The following PPARGC1B variants were observed in gnomAD, a reference collection of about 807,000 sequenced individuals.
PPARGC1B encodes peroxisome proliferator-activated receptor gamma coactivator 1-beta.
In PPARGC1B, 34 loss-of-function variants were observed where a neutral mutation model predicts 101.6. That is an observed-to-expected ratio of 0.33 (90% CI 0.25 to 0.45). PPARGC1B has a LOEUF of 0.45. PPARGC1B is among the 20% of genes least tolerant of loss of function. The pLI, the probability that PPARGC1B is intolerant of heterozygous loss-of-function variation, is 1.00. For missense variants in PPARGC1B, 1,234 were observed against 1,317.6 expected (o/e 0.94, Z 0.98); for synonymous variants, 548 against 539.3 (o/e 1.02, Z -0.22).
At chr5:149,746,092 C>T (rs950209658) in intron 1 of PPARGC1B, among the ~76,000 whole-genome samples, 3 of 152,154 alleles carry the variant, frequency 2.0e-5, no homozygotes, top group African/African-American at 7.2e-5. Context: ...CACTGCCATC[C>T]CAGCTCTGTG....
chr5:149,839,898 G>A, intron 8 of PPARGC1B, 143 bp from the exon 9 acceptor site: 1 of 791,720 alleles, frequency 1.3e-6, no homozygotes, highest in Non-Finnish European at 2.1e-6. Context: ...GGGGAAGCTA[G>A]GTTTCTGCGG....
rs1482661847 is a variant in PPARGC1B, at chr5:149,796,457, A to G, written c.79-23976A>G. ...GTTTGGATTTCATTCTGAGTGCAATAGGAGCGTCTTTGGAGAATTTTGAGC... is the reference window on the plus strand; with the variant it reads ...GTTTGGATTTCATTCTGAGTGCAATGGGAGCGTCTTTGGAGAATTTTGAGC... On this transcript the variant is annotated intron_variant, in intron 1 of 11. Coordinates refer to ENST00000309241, the MANE Select transcript of PPARGC1B (RefSeq NM_133263.4). Among the ~76,000 whole-genome samples the G allele has an allele frequency of 2.6e-5, 4 of 152,184 alleles. No homozygotes were observed. The East Asian group carries it at 5.8e-4, about 22-fold the overall frequency.
Position 149,833,740 on chromosome 5 carries a change from T to C in PPARGC1B, c.1667T>C (p.Met556Thr). 1 of 1,575,582 alleles carries C rather than the reference T, an allele frequency of 6.3e-7. No homozygotes were observed. The highest frequency in any genetic ancestry group is 8.6e-7 in the Non-Finnish European group (1 of 1,164,984). Reference protein sequence around the residue: ...ESPCESGCGDMDEDPSCPQLP... With the variant: ...ESPCESGCGDTDEDPSCPQLP... ...CCCTGTGAGAGTGGGTGTGGGGACA[T>C]GGATGAGGACCCCAGCTGCCCGCAG... The change falls in exon 5 of 12, where the codon ATG becomes ACG. Residue 556 changes from methionine (M) to threonine (T), a missense_variant. Coordinates refer to ENST00000309241, the MANE Select transcript of PPARGC1B (RefSeq NM_133263.4). This position sits in a 1 kb window ranked among gnomAD's most constrained non-coding sequence, Gnocchi z 4.1.
chr5:149,809,716 TAATC>T (rs1192305712), intron 1 of PPARGC1B, among the ~76,000 whole-genome samples: 2 of 139,322 alleles, frequency 1.4e-5, no homozygotes, highest in East Asian at 2.1e-4. Context: ...AAAAAAAAAT[TAATC>T]AATTTCATGT....
intron 3 of PPARGC1B, among the ~76,000 whole-genome samples, chr5:149,828,597 C>T (rs1758620496): frequency 6.6e-6 from 1 of 152,234 alleles, no homozygotes; most frequent in Non-Finnish European, 1.5e-5. Context: ...AGAGGCAAAG[C>T]GCGACCCCTG....
At chr5:149,785,211 A>G (rs1756756042) in intron 1 of PPARGC1B, among the ~76,000 whole-genome samples, 3 of 152,236 alleles carry the variant, frequency 2.0e-5, no homozygotes. Flanking sequence ...CCACACAACA[A>G]GAGATTGGAC....
chr5:149,736,099 A>G (rs62382273), intron 1 of PPARGC1B, among the ~76,000 whole-genome samples: 22,049 of 152,104 alleles, frequency 0.14, 1,725 homozygotes, highest in Admixed American at 0.24. Flanking sequence ...CTGAGATTGC[A>G]CCACTGCACT....
At chr5:149,774,148 G>A (rs1756259151) in intron 1 of PPARGC1B, among the ~76,000 whole-genome samples, 1 of 152,208 alleles carries the variant, frequency 6.6e-6, no homozygotes, top group South Asian at 2.1e-4. Flanking sequence ...GGTGACATGG[G>A]CATCAGAGCC....
intron 1 of PPARGC1B, 65 bp from the exon 2 acceptor site, chr5:149,820,368 A>G (rs527527334): frequency 1.7e-5 from 25 of 1,473,950 alleles, no homozygotes; most frequent in Non-Finnish European, 2.0e-5. Flanking sequence ...CATTATTGAG[A>G]GGGCCCCTGC....
chr5:149,815,499 C>T (rs1450329775), intron 1 of PPARGC1B, among the ~76,000 whole-genome samples: 3 of 152,204 alleles, frequency 2.0e-5, no homozygotes, highest in Admixed American at 6.5e-5. Context: ...TAAGCTACCA[C>T]CCAGTTGTGG....
intron 1 of PPARGC1B, among the ~76,000 whole-genome samples, chr5:149,769,560 G>T (rs1756047221): frequency 1.3e-5 from 2 of 152,132 alleles, no homozygotes; most frequent in Admixed American, 6.5e-5. Flanking sequence ...GTCCTCTCTG[G>T]GCTTCAGGTT....
At chr5:149,737,653 C>T (rs1754771622) in intron 1 of PPARGC1B, among the ~76,000 whole-genome samples, 2 of 152,206 alleles carry the variant, frequency 1.3e-5, no homozygotes, top group African/African-American at 4.8e-5. Context: ...GTCACATAAC[C>T]TTTCTGAGCT....
intron 1 of PPARGC1B, among the ~76,000 whole-genome samples, chr5:149,741,218 G>A (rs1754892326): frequency 6.6e-6 from 1 of 152,218 alleles, no homozygotes; most frequent in African/African-American, 2.4e-5. Context: ...GGAATGCGAG[G>A]AGATGTTAGA....
chr5:149,769,777 C>A (rs1756054630), intron 1 of PPARGC1B, among the ~76,000 whole-genome samples: 2 of 152,196 alleles, frequency 1.3e-5, no homozygotes, highest in African/African-American at 4.8e-5. Flanking sequence ...CCTTTTCCAG[C>A]TTCCAGAGAC....
intron 11 of PPARGC1B, 72 bp from the exon 12 acceptor site, chr5:149,847,386 C>A: frequency 1.7e-6 from 2 of 1,168,372 alleles, no homozygotes. Flanking sequence ...GTGGCAGATT[C>A]TTCAACCATC....
chr5:149,809,977 C>T (rs181452262), intron 1 of PPARGC1B, among the ~76,000 whole-genome samples: 5 of 152,238 alleles, frequency 3.3e-5, no homozygotes, highest in Admixed American at 2.0e-4. Context: ...CTGAGGAAGG[C>T]TCCAGCACAG....
intron 4 of PPARGC1B, among the ~76,000 whole-genome samples, chr5:149,831,563 C>T (rs1000713076): frequency 2.0e-5 from 3 of 152,180 alleles, no homozygotes; most frequent in African/African-American, 7.2e-5. Context: ...TGCTCCCTCC[C>T]TATTTGTCCT....
Position 149,826,794 on chromosome 5 carries a change from C to T in PPARGC1B, c.374C>T (p.Thr125Ile), listed in dbSNP as rs372749476. 9.3e-6 allele frequency: 15 copies of T among 1,613,810 alleles called. No individual in the cohort carries two copies. Among genetic ancestry groups the T allele is most frequent in the Non-Finnish European group, 1.3e-5 (15 of 1,179,860 alleles). Residue 125 changes from threonine to isoleucine, a missense_variant, in exon 3 of 12, where the codon ACC (threonine) becomes ATC (isoleucine). By Grantham distance (89) the Thr-to-Ile change is moderately conservative. This residue lies in a region of PPARGC1B where 734 missense variants were observed against 768.4 expected (regional missense o/e 0.96). Coordinates refer to ENST00000309241, the MANE Select transcript of PPARGC1B (RefSeq NM_133263.4). ...ALDGGDALSC[T>I]SASPAPSSAP... ...GATGGTGGAGACGCTCTATCATGCA[C>T]CTCAGCTTCGCCTGCCCCCTCATCT... is the stretch of plus-strand genomic sequence containing the variant.
chr5:149,802,481 G>A (rs1163457244), intron 1 of PPARGC1B, among the ~76,000 whole-genome samples: 1 of 151,856 alleles, frequency 6.6e-6, no homozygotes, highest in Middle Eastern at 3.2e-3. Flanking sequence ...GCCCCATGGG[G>A]GTCTTTTCCT....
Sources: gnomAD v4.1 joint callset for allele counts (sites outside exome capture counted in the v4.1 genomes callset) on GRCh38, gnomAD v4.1.1 for gene constraint, gnomAD v4.1.1 regional missense constraint, Gnocchi (gnomAD v3.1) non-coding constraint, MANE v1.5 for transcripts, NCBI Gene and HGNC (gene_info 2026-07-23, HGNC 2026-07-21) for gene names.